CLSTN2: variants seen among roughly 807,000 people sequenced by gnomAD.
CLSTN2 encodes the protein calsyntenin 2.
CLSTN2 carries 48 observed loss-of-function variants against 101.2 expected under a neutral mutation model. That is an observed-to-expected ratio of 0.47 (90% confidence interval 0.38 to 0.60). CLSTN2 has a LOEUF of 0.60. CLSTN2 is among the 20% of genes least tolerant of loss of function. The pLI is 0.00. For missense variants in CLSTN2, 1,160 were observed against 1,238.2 expected, an observed-to-expected ratio of 0.94 and a Z score of 0.95; for synonymous variants, 481 against 463.6, an observed-to-expected ratio of 1.04 and a Z score of -0.48.
At chr3:140,037,862 C>CA (rs1013648911) in intron 1 of CLSTN2, among the ~76,000 whole-genome samples, 2 of 152,060 alleles carry the variant, frequency 1.3e-5, no homozygotes, top group African/African-American at 4.8e-5. Context: ...CATGTGCCTC[C>CA]AAAAAACATG....
At chr3:140,123,785 A>T (rs2107800497) in intron 1 of CLSTN2, among the ~76,000 whole-genome samples, 1 of 151,448 alleles carries the variant, frequency 6.6e-6, no homozygotes, top group East Asian at 1.9e-4. Context: ...CATTCACATG[A>T]GGGGAGAGAG....
intron 8 of CLSTN2, among the ~76,000 whole-genome samples, chr3:140,488,583 T>A (rs1934282505): frequency 6.6e-6 from 1 of 151,060 alleles, no homozygotes; most frequent in African/African-American, 2.4e-5. Context: ...GACTGAGATT[T>A]AGAAACTGTA....
chr3:140,369,982 T>C (rs2087833106), intron 2 of CLSTN2, among the ~76,000 whole-genome samples: 1 of 152,242 alleles, frequency 6.6e-6, no homozygotes, highest in African/African-American at 2.4e-5. Context: ...ATTCTTTCCA[T>C]TGGGTTGTGG....
chr3:140,433,261 T>C (rs1161791667), intron 5 of CLSTN2, among the ~76,000 whole-genome samples: 1 of 152,204 alleles, frequency 6.6e-6, no homozygotes, highest in Non-Finnish European at 1.5e-5. Context: ...GTATCACTCT[T>C]GTCACCCAGG....
At chr3:140,271,501 C>A (rs947342895) in intron 2 of CLSTN2, among the ~76,000 whole-genome samples, 1 of 152,166 alleles carries the variant, frequency 6.6e-6, no homozygotes, top group South Asian at 2.1e-4. Flanking sequence ...AAGGTGCCAG[C>A]GTTTCAGTGT....
chr3:139,953,737 C>T (rs1935335065), intron 1 of CLSTN2, among the ~76,000 whole-genome samples: 1 of 152,150 alleles, frequency 6.6e-6, no homozygotes, highest in Non-Finnish European at 1.5e-5. Context: ...CCAGTTTTGC[C>T]CACACTGGTA....
chr3:140,022,118 C>T (rs2007330927), intron 1 of CLSTN2, among the ~76,000 whole-genome samples: 1 of 152,166 alleles, frequency 6.6e-6, no homozygotes, highest in African/African-American at 2.4e-5. Context: ...TGGGGAGTGG[C>T]CTTGGCTGGG....
rs903681967 is a variant in CLSTN2, at chr3:140,140,667, G to A, written c.110-35284G>A. 3.3e-5 allele frequency among the ~76,000 whole-genome samples: 5 copies of A among 152,196 alleles called. No individual in the cohort carries two copies. The East Asian group carries it at 9.6e-4, about 29-fold the overall frequency. On this transcript the variant is annotated intron_variant, in intron 1 of 16. Coordinates refer to ENST00000458420, the MANE Select transcript of CLSTN2 (RefSeq NM_022131.3). ...AAAAACTACTTGAGTAGGTGCAACT[G>A]TCTCCATCTCAGGAAGATCAGATTG...
rs549409637 is a variant in CLSTN2 at position 140,302,210 on chromosome 3, CAT to C, written c.233-101417_233-101416del. 1.4e-4 allele frequency among the ~76,000 whole-genome samples: 22 copies of C among 152,188 alleles called. No homozygotes were observed. In the South Asian group the frequency reaches 4.4e-3, roughly 30 times the overall value. ...GTGGTTGTTTTTCCATTTAGAAAAA[CAT>C]AAAGAATTCCAGAACCAGAACTGTG... On this transcript the variant is annotated intron_variant, in intron 2 of 16. Transcript: ENST00000458420.
In CLSTN2 at chr3:140,044,699, A is replaced by G. The variant is rs1196769045; in HGVS notation, c.109+109216A>G. ...AATAGCTCTTATTATTTTGAGATACATCCCATCAATACCTAACTTATTGAG... is the reference window on the plus strand; with the variant it reads ...AATAGCTCTTATTATTTTGAGATACGTCCCATCAATACCTAACTTATTGAG... On this transcript the variant is annotated intron_variant, in intron 1 of 16. Coordinates refer to ENST00000458420, the MANE Select transcript of CLSTN2 (RefSeq NM_022131.3). 7.2e-5 allele frequency among the ~76,000 whole-genome samples: 11 copies of G among 152,272 alleles called. No individual in the cohort carries two copies. In the East Asian group the frequency reaches 2.1e-3, roughly 29 times the overall value.
chr3:140,489,351 T>G (rs1934297275), intron 8 of CLSTN2, among the ~76,000 whole-genome samples: 1 of 152,192 alleles, frequency 6.6e-6, no homozygotes, highest in Non-Finnish European at 1.5e-5. Context: ...TGCTTTAGGA[T>G]AAAAAGCAAC....
At chr3:140,295,526 A>G (rs1175283943) in intron 2 of CLSTN2, among the ~76,000 whole-genome samples, 2 of 152,086 alleles carry the variant, frequency 1.3e-5, no homozygotes, top group Non-Finnish European at 2.9e-5. Flanking sequence ...TCCATCTGAA[A>G]TTTATTTTGG....
chr3:139,987,770 A>G (rs1294105638), intron 1 of CLSTN2, among the ~76,000 whole-genome samples: 1 of 152,164 alleles, frequency 6.6e-6, no homozygotes, highest in Non-Finnish European at 1.5e-5. Flanking sequence ...CAAACAACAA[A>G]TCAAATTGTA....
At chr3:140,501,189 C>A (rs1934566787) in intron 8 of CLSTN2, among the ~76,000 whole-genome samples, 1 of 152,194 alleles carries the variant, frequency 6.6e-6, no homozygotes, top group South Asian at 2.1e-4. Context: ...CTCCTGCATA[C>A]TTTCTAGCTT....
At chr3:140,067,158 T>C (rs1014739981) in intron 1 of CLSTN2, among the ~76,000 whole-genome samples, 14 of 152,282 alleles carry the variant, frequency 9.2e-5, no homozygotes, top group African/African-American at 3.4e-4. Context: ...TCCTCCTCAC[T>C]AGACTGGCAA....
At chr3:140,148,250 G>A (rs1450407181) in intron 1 of CLSTN2, among the ~76,000 whole-genome samples, 1 of 152,034 alleles carries the variant, frequency 6.6e-6, no homozygotes, top group Non-Finnish European at 1.5e-5. Context: ...AAAACATTGA[G>A]TGCTGTCATC....
chr3:140,555,810 C>T (rs1281476288), intron 10 of CLSTN2, among the ~76,000 whole-genome samples: 1 of 152,120 alleles, frequency 6.6e-6, no homozygotes, highest in Admixed American at 6.5e-5. Flanking sequence ...GATCTATGTC[C>T]AGCTTGAGTA....
intron 1 of CLSTN2, among the ~76,000 whole-genome samples, chr3:140,102,771 G>C (rs921991676): frequency 2.0e-5 from 3 of 152,196 alleles, no homozygotes; most frequent in Non-Finnish European, 2.9e-5. Flanking sequence ...AATGACATAT[G>C]AAAACACAGA....
intron 1 of CLSTN2, among the ~76,000 whole-genome samples, chr3:140,145,722 C>T (rs1416348718): frequency 6.6e-6 from 1 of 152,222 alleles, no homozygotes; most frequent in African/African-American, 2.4e-5. Flanking sequence ...TCTGCATGCT[C>T]TCCTCAGCCT....
Sources: allele counts gnomAD v4.1 joint callset (sites outside exome capture counted in the v4.1 genomes callset), GRCh38; gene constraint gnomAD v4.1.1; transcripts MANE v1.5; gene names NCBI Gene and HGNC (gene_info 2026-07-23, HGNC 2026-07-21).